The following HACE1 variants were observed in gnomAD, a reference collection of about 807,000 sequenced individuals.
HACE1 encodes HECT domain and ankyrin repeat containing E3 ubiquitin protein ligase 1.
In HACE1, 73 loss-of-function variants were observed where a neutral mutation model predicts 118.4. The observed-to-expected ratio is 0.62, with a 90% CI of 0.51 to 0.75. HACE1 has a LOEUF of 0.75. Among genes scored for constraint, HACE1 ranks in the 30% least tolerant of loss-of-function variants. The pLI is 0.00. For synonymous variants in HACE1, 368 were observed against 374.8 expected (o/e 0.98, Z 0.21); for missense variants, 749 against 1,102.2 (o/e 0.68, Z 4.54).
At chr6:104,773,398 A>T (rs1465720303) in intron 17 of HACE1, among the ~76,000 whole-genome samples, 1 of 152,226 alleles carries the variant, frequency 6.6e-6, no homozygotes, top group African/African-American at 2.4e-5. Flanking sequence ...TAGTTTATTT[A>T]GATATAAGGT....
At chr6:104,853,305 T>C (rs1438639209) in intron 1 of HACE1, among the ~76,000 whole-genome samples, 6 of 152,204 alleles carry the variant, frequency 3.9e-5, no homozygotes, top group African/African-American at 9.6e-5. Flanking sequence ...GGTATTGTTG[T>C]ATCAGCAGAA....
At chr6:104,831,894 A>C (rs1021249647) in intron 6 of HACE1, among the ~76,000 whole-genome samples, 1 of 143,682 alleles carries the variant, frequency 7.0e-6, no homozygotes, top group African/African-American at 2.5e-5. Flanking sequence ...CTCCATCAAA[A>C]AAAAGAGAGA....
At chr6:104,777,594 A>G (rs1028076200) in intron 14 of HACE1, among the ~76,000 whole-genome samples, 6 of 151,606 alleles carry the variant, frequency 4.0e-5, no homozygotes, top group African/African-American at 1.5e-4. Flanking sequence ...TCAGAACTTA[A>G]TATCAGACAT....
chr6:104,857,800 A>T (rs554868236), intron 1 of HACE1, among the ~76,000 whole-genome samples: 5 of 152,254 alleles, frequency 3.3e-5, no homozygotes, highest in African/African-American at 1.2e-4. Flanking sequence ...TACTAAAAAT[A>T]CAAAAAATTA....
chr6:104,798,813 G>GTTCTGAGGAATACTT, intron 7 of HACE1, among the ~76,000 whole-genome samples: 1 of 152,164 alleles, frequency 6.6e-6, no homozygotes, highest in East Asian at 1.9e-4. Context: ...ACTTTTGCTA[G>GTTCTGAGGAATACTT]TAGCCAAGGT....
intron 19 of HACE1, among the ~76,000 whole-genome samples, chr6:104,755,855 A>C (rs777405870): frequency 6.6e-6 from 1 of 152,214 alleles, no homozygotes; most frequent in Non-Finnish European, 1.5e-5. Context: ...ACAATCTGAC[A>C]TCTCAACTAA....
intron 1 of HACE1, among the ~76,000 whole-genome samples, chr6:104,856,920 A>C (rs1291697627): frequency 6.6e-6 from 1 of 152,186 alleles, no homozygotes; most frequent in Non-Finnish European, 1.5e-5. Flanking sequence ...AACTCAGTTT[A>C]TCAAACATCT....
intron 5 of HACE1, among the ~76,000 whole-genome samples, chr6:104,835,716 T>C (rs1023542588): frequency 1.3e-5 from 2 of 152,150 alleles, no homozygotes; most frequent in African/African-American, 2.4e-5. Context: ...TCCAGGTTGA[T>C]AGGGTCTCAA....
At chr6:104,802,357 C>T (rs1582547264) in intron 7 of HACE1, among the ~76,000 whole-genome samples, 2 of 152,114 alleles carry the variant, frequency 1.3e-5, no homozygotes, top group East Asian at 3.9e-4. Context: ...CAGCTCTGGA[C>T]CAAGTGGACC....
chr6:104,738,290 C>T (rs2114445400), intron 22 of HACE1, among the ~76,000 whole-genome samples: 1 of 152,304 alleles, frequency 6.6e-6, no homozygotes, highest in Non-Finnish European at 1.5e-5. Context: ...CGCAGTTCCT[C>T]ACCAGCAACG....
Position 104,736,084 on chromosome 6 carries a change from TCTC to T in HACE1, c.2514-5671_2514-5669del, listed in dbSNP as rs551175820. Among the ~76,000 whole-genome samples the T allele has an allele frequency of 2.2e-3, 329 of 151,704 alleles. 3 individuals carry two copies. Among genetic ancestry groups the T allele is most frequent in the Non-Finnish European group, 1.1e-3 (77 of 67,882 alleles). ...AATACAGATTGGAAGTGGTTTTTTTTCTCCTATCTGAATTGTCAAATTATCAAC... is the reference window on the plus strand; with the variant it reads ...AATACAGATTGGAAGTGGTTTTTTTTCTATCTGAATTGTCAAATTATCAAC... On this transcript the variant is annotated intron_variant, in intron 22 of 23. Transcript: ENST00000262903.
chr6:104,793,588 G>A (rs192965680), intron 10 of HACE1, among the ~76,000 whole-genome samples: 1 of 152,222 alleles, frequency 6.6e-6, no homozygotes, highest in Admixed American at 6.5e-5. Flanking sequence ...TAACACCTTA[G>A]TTGTCACTAA....
chr6:104,833,678 T>C (rs1202038222), intron 5 of HACE1, among the ~76,000 whole-genome samples: 1 of 152,070 alleles, frequency 6.6e-6, no homozygotes, highest in Non-Finnish European at 1.5e-5. Flanking sequence ...AACCTGTCTC[T>C]ACAAAAAATT....
At chr6:104,746,810 G>A (rs1192584921) in intron 20 of HACE1, among the ~76,000 whole-genome samples, 1 of 152,186 alleles carries the variant, frequency 6.6e-6, no homozygotes, top group Non-Finnish European at 1.5e-5. Flanking sequence ...AAAAGGGAGT[G>A]GGACAGGCTT....
At chr6:104,739,741 A>C (rs561622011) in intron 22 of HACE1, among the ~76,000 whole-genome samples, 71 of 150,868 alleles carry the variant, frequency 4.7e-4, no homozygotes, top group African/African-American at 1.6e-3. Flanking sequence ...CCCCACTGTC[A>C]ACATTAGACA....
intron 7 of HACE1, among the ~76,000 whole-genome samples, chr6:104,807,380 T>C (rs1014338238): frequency 1.3e-5 from 2 of 152,130 alleles, no homozygotes; most frequent in African/African-American, 4.8e-5. Context: ...CTGAAACGAG[T>C]TGCTTCGCAG....
intron 19 of HACE1, chr6:104,766,766 C>A (rs1025961848): frequency 6.6e-6 from 1 of 152,160 alleles, no homozygotes; most frequent in South Asian, 2.1e-4. Flanking sequence ...TTTGTGCCCT[C>A]GGGCAGTTAT....
intron 6 of HACE1, among the ~76,000 whole-genome samples, chr6:104,819,403 G>GGGT: frequency 6.6e-6 from 1 of 152,078 alleles, no homozygotes. Context: ...CAAACAAATG[G>GGGT]AAAAACATCC....
chr6:104,856,183 T>G (rs1776696012), intron 1 of HACE1, among the ~76,000 whole-genome samples: 1 of 152,142 alleles, frequency 6.6e-6, no homozygotes, highest in African/African-American at 2.4e-5. Context: ...ATCTATCACT[T>G]TATTAGACAT....
Sources: gnomAD v4.1 joint callset for allele counts (sites outside exome capture counted in the v4.1 genomes callset) on GRCh38, gnomAD v4.1.1 for gene constraint, MANE v1.5 for transcripts, NCBI Gene and HGNC (gene_info 2026-07-23, HGNC 2026-07-21) for gene names.